SLC7A14: variants seen among roughly 807,000 people sequenced by gnomAD.
The protein encoded by SLC7A14 is solute carrier family 7 member 14.
SLC7A14 carries 37 observed loss-of-function variants against 60.2 expected under a neutral mutation model. The ratio of observed to expected loss-of-function variants is 0.61; its 90% CI spans 0.47 to 0.81. The LOEUF is 0.81. Among genes scored for constraint, SLC7A14 ranks in the 30% least tolerant of loss-of-function variants. SLC7A14 has a pLI of 0.00. For missense variants in SLC7A14, 886 were observed against 982.7 expected, an observed-to-expected ratio of 0.90 and a Z score of 1.32; for synonymous variants, 399 against 395.8, an observed-to-expected ratio of 1.01 and a Z score of -0.10.
chr3:170,549,980 G>A lies in SLC7A14; in HGVS notation c.-152-22892C>T, dbSNP rs192792018. Among the ~76,000 whole-genome samples, 78 of 152,336 alleles carry A rather than the reference G, an allele frequency of 5.1e-4. No individual in the cohort carries two copies. In the Middle Eastern group the frequency reaches 0.01, roughly 20 times the overall value. On this transcript the variant is annotated intron_variant, in intron 1 of 7. Transcript: ENST00000231706. ...GTGGCTGCTGTGGTTTTATCTGTTT[G>A]TAATTTTATGTGCAGAGGGGAAAAG...
intron 1 of SLC7A14, among the ~76,000 whole-genome samples, chr3:170,571,536 T>C (rs1427665524): frequency 6.6e-6 from 1 of 152,194 alleles, no homozygotes; most frequent in African/African-American, 2.4e-5. Context: ...ATCTTGAACA[T>C]AATCTTCCAC....
chr3:170,506,175 C>T (rs1373484350), intron 2 of SLC7A14, among the ~76,000 whole-genome samples: 2 of 152,160 alleles, frequency 1.3e-5, no homozygotes, highest in Non-Finnish European at 2.9e-5. Flanking sequence ...GAAATTTTCC[C>T]TTAGTGTTGG....
intron 4 of SLC7A14, among the ~76,000 whole-genome samples, chr3:170,487,360 G>C (rs1712068115): frequency 6.6e-6 from 1 of 151,576 alleles, no homozygotes; most frequent in African/African-American, 2.4e-5. Context: ...GTGCCTCTTT[G>C]AATGCTTAGG....
chr3:170,489,796 G>A (rs957716647), intron 4 of SLC7A14, among the ~76,000 whole-genome samples: 2 of 152,198 alleles, frequency 1.3e-5, no homozygotes, highest in South Asian at 2.1e-4. Context: ...CAACAACATG[G>A]ATGGAACTGA....
At chr3:170,544,247 C>G (rs193196049) in intron 1 of SLC7A14, among the ~76,000 whole-genome samples, 15 of 151,900 alleles carry the variant, frequency 9.9e-5, no homozygotes, top group Non-Finnish European at 1.6e-4. Flanking sequence ...GGGGTGAACT[C>G]CTCTCGGGAC....
intron 2 of SLC7A14, among the ~76,000 whole-genome samples, chr3:170,518,501 T>G (rs1266402959): frequency 2.6e-5 from 4 of 152,184 alleles, no homozygotes; most frequent in African/African-American, 4.8e-5. Flanking sequence ...CTGTATGTTT[T>G]GTGCAATATG....
chr3:170,516,030 G>A (rs1470039192), intron 2 of SLC7A14, among the ~76,000 whole-genome samples: 1 of 152,202 alleles, frequency 6.6e-6, no homozygotes, highest in East Asian at 1.9e-4. Flanking sequence ...GGCATGCACT[G>A]TCCACACTAC....
At chr3:170,485,253 C>T (rs1360703867) in intron 5 of SLC7A14, among the ~76,000 whole-genome samples, 2 of 152,110 alleles carry the variant, frequency 1.3e-5, no homozygotes, top group Non-Finnish European at 2.9e-5. Context: ...TCAAGTTTGC[C>T]CTGTGTTTTT....
intron 1 of SLC7A14, among the ~76,000 whole-genome samples, chr3:170,537,699 T>C (rs901624846): frequency 1.3e-5 from 2 of 152,014 alleles, no homozygotes; most frequent in Non-Finnish European, 2.9e-5. Flanking sequence ...CATGGTAGAG[T>C]CATTTACTCA....
chr3:170,493,558 T>G (rs1451013890), intron 4 of SLC7A14, among the ~76,000 whole-genome samples: 1 of 152,064 alleles, frequency 6.6e-6, no homozygotes, highest in Non-Finnish European at 1.5e-5. Context: ...GAGGTAAGGG[T>G]TTTGATAAGG....
At chr3:170,485,389 C>T (rs866749418) in intron 5 of SLC7A14, among the ~76,000 whole-genome samples, 3 of 152,148 alleles carry the variant, frequency 2.0e-5, no homozygotes, top group Non-Finnish European at 4.4e-5. Context: ...AGCAGCAGCA[C>T]CCCCCACTGC....
In SLC7A14 at chr3:170,515,632, G is replaced by C. The variant is rs562143906; in HGVS notation, c.304+11001C>G. ...GGGGTTAGGATGTGTGTTGGGGTGG[G>C]GGGGGAGTTGAGACAATAGGCCCTT... On this transcript the variant is annotated intron_variant, in intron 2 of 7. Coordinates refer to ENST00000231706, the MANE Select transcript of SLC7A14 (RefSeq NM_020949.3). 5.8e-4 allele frequency among the ~76,000 whole-genome samples: 88 copies of C among 152,070 alleles called. 1 individual carries two copies. Among genetic ancestry groups the C allele is most frequent in the African/African-American group, 1.7e-3 (71 of 41,520 alleles).
At chr3:170,519,445 G>A (rs1713275645) in intron 2 of SLC7A14, among the ~76,000 whole-genome samples, 1 of 152,218 alleles carries the variant, frequency 6.6e-6, no homozygotes, top group Non-Finnish European at 1.5e-5. Context: ...GTCAGTGGGA[G>A]AAATGGGGAA....
rs951762074 is a variant in SLC7A14, at chr3:170,476,309, A to G, written c.1993+3980T>C. Among the ~76,000 whole-genome samples, 9 of 152,230 alleles carry G rather than the reference A, an allele frequency of 5.9e-5. No individual in the cohort carries two copies. In the East Asian group the frequency reaches 1.7e-3, roughly 29 times the overall value. On this transcript the variant is annotated intron_variant, in intron 7 of 7. Transcript: ENST00000231706. Reference sequence around the variant, plus strand: ...AGTCATATAGCAGCCTTCAAAAATCATGATACTAAAGCAGTTAGCAGCAGG... The same window carrying G: ...AGTCATATAGCAGCCTTCAAAAATCGTGATACTAAAGCAGTTAGCAGCAGG...
At chr3:170,472,537 G>A (rs933692100) in intron 7 of SLC7A14, among the ~76,000 whole-genome samples, 31 of 152,158 alleles carry the variant, frequency 2.0e-4, no homozygotes, top group African/African-American at 7.5e-4. Context: ...AGGCGGAGGT[G>A]GGTGGATCAC....
At chr3:170,581,499 C>A (rs140561519) in intron 1 of SLC7A14, among the ~76,000 whole-genome samples, 1 of 152,072 alleles carries the variant, frequency 6.6e-6, no homozygotes, top group African/African-American at 2.4e-5. Flanking sequence ...ACAAACAATG[C>A]ACGGTATTTC....
chr3:170,564,576 A>G (rs559532507), intron 1 of SLC7A14, among the ~76,000 whole-genome samples: 8 of 152,368 alleles, frequency 5.3e-5, no homozygotes, highest in African/African-American at 1.9e-4. Context: ...TGCAGAGGCA[A>G]GGTAGCTTTC....
intron 1 of SLC7A14, among the ~76,000 whole-genome samples, chr3:170,559,151 C>T (rs867428508): frequency 1.1e-4 from 16 of 152,114 alleles, no homozygotes; most frequent in South Asian, 2.1e-4. Flanking sequence ...AACTGATAGA[C>T]GACAAGTTAA....
chr3:170,555,871 T>C (rs1377402179), intron 1 of SLC7A14, among the ~76,000 whole-genome samples: 1 of 152,232 alleles, frequency 6.6e-6, no homozygotes, highest in Non-Finnish European at 1.5e-5. Flanking sequence ...TAGTTTTCTA[T>C]CAAATTTTTC....
Sources: allele counts gnomAD v4.1 joint callset (sites outside exome capture counted in the v4.1 genomes callset), GRCh38; gene constraint gnomAD v4.1.1; transcripts MANE v1.5; gene names NCBI Gene and HGNC (gene_info 2026-07-23, HGNC 2026-07-21).